ABLIM3: variants seen among roughly 807,000 people sequenced by gnomAD.
The protein encoded by ABLIM3 is actin-binding LIM protein 3.
A neutral mutation model predicts 109.5 loss-of-function variants in ABLIM3; 61 were observed. The ratio of observed to expected loss-of-function variants is 0.56; its 90% CI spans 0.45 to 0.69. ABLIM3 has a LOEUF of 0.69. Ranked by LOEUF, ABLIM3 falls within the 30% of genes least tolerant of loss-of-function variation. The pLI, the probability that ABLIM3 is intolerant of heterozygous loss-of-function variation, is 0.00. For missense variants in ABLIM3, 796 were observed against 889.5 expected, an observed-to-expected ratio of 0.89 and a Z score of 1.34; for synonymous variants, 300 against 324.8, an observed-to-expected ratio of 0.92 and a Z score of 0.82.
chr5:149,214,247 C>T (rs1246562676), intron 7 of ABLIM3, among the ~76,000 whole-genome samples: 1 of 152,194 alleles, frequency 6.6e-6, no homozygotes, highest in African/African-American at 2.4e-5. Flanking sequence ...AGCCCAGGAG[C>T]TGGATCCAGT....
intron 9 of ABLIM3, 84 bp from the exon 10 acceptor site, chr5:149,233,145 T>C (rs1762023427): frequency 1.4e-5 from 16 of 1,148,444 alleles, no homozygotes; most frequent in Non-Finnish European, 2.1e-5. Context: ...ATTGCTAATG[T>C]TGCATTCTTA....
At chr5:149,162,859 C>T (rs1287731469) in intron 2 of ABLIM3, among the ~76,000 whole-genome samples, 1 of 152,236 alleles carries the variant, frequency 6.6e-6, no homozygotes, top group African/African-American at 2.4e-5. Flanking sequence ...TGAAAGCCAC[C>T]TGCCTCAAAA....
At chr5:149,230,189 G>T (rs990501296) in intron 8 of ABLIM3, among the ~76,000 whole-genome samples, 3 of 152,140 alleles carry the variant, frequency 2.0e-5, no homozygotes, top group Non-Finnish European at 4.4e-5. Context: ...AAACATGTAC[G>T]GATCTCTTCT....
At chr5:149,222,175 G>T (rs1760714573) in intron 8 of ABLIM3, among the ~76,000 whole-genome samples, 1 of 150,996 alleles carries the variant, frequency 6.6e-6, no homozygotes, top group Non-Finnish European at 1.5e-5. Context: ...ATTATTATTT[G>T]TTGGTATACT....
At chr5:149,180,741 T>G (rs1433194448) in intron 2 of ABLIM3, among the ~76,000 whole-genome samples, 1 of 152,208 alleles carries the variant, frequency 6.6e-6, no homozygotes, top group Non-Finnish European at 1.5e-5. Context: ...ACACACAGCA[T>G]CAGCAAAGCA....
chr5:149,242,113 A>C (rs997226245), intron 14 of ABLIM3, among the ~76,000 whole-genome samples: 3 of 152,154 alleles, frequency 2.0e-5, no homozygotes, highest in African/African-American at 4.8e-5. Flanking sequence ...ATTCGGCTGC[A>C]GCATCCTGGG....
intron 13 of ABLIM3, 109 bp from the exon 14 acceptor site, chr5:149,240,567 C>G (rs1581217930): frequency 1.2e-6 from 1 of 842,994 alleles, no homozygotes; most frequent in Admixed American, 1.8e-5. Flanking sequence ...CCCAGCCCAT[C>G]CCCCATCTCT....
intron 21 of ABLIM3, 91 bp from the exon 22 acceptor site, chr5:149,252,110 C>T (rs987048004): frequency 2.0e-6 from 3 of 1,474,162 alleles, no homozygotes; most frequent in Non-Finnish European, 2.8e-6. Context: ...GGCCAGACCC[C>T]CTGAGAGAGT....
At chr5:149,193,054 T>C (rs1757643639) in intron 3 of ABLIM3, among the ~76,000 whole-genome samples, 1 of 152,104 alleles carries the variant, frequency 6.6e-6, no homozygotes, top group African/African-American at 2.4e-5. Flanking sequence ...AAATGCAATG[T>C]ATGAACCTTG....
At chr5:149,241,895 A>T (rs1752884952) in intron 14 of ABLIM3, among the ~76,000 whole-genome samples, 1 of 152,168 alleles carries the variant, frequency 6.6e-6, no homozygotes, top group Non-Finnish European at 1.5e-5. Flanking sequence ...TACAGGACTG[A>T]GTGGGTGTAG....
chr5:149,203,727 GTCACC>G (rs1758705837), intron 5 of ABLIM3, among the ~76,000 whole-genome samples: 2 of 151,224 alleles, frequency 1.3e-5, no homozygotes, highest in African/African-American at 4.9e-5. Flanking sequence ...CATCATCACT[GTCACC>G]ATCATCACCA....
At chr5:149,220,135 T>C (rs938601093) in intron 8 of ABLIM3, 1 of 152,168 alleles carries the variant, frequency 6.6e-6, no homozygotes, top group Non-Finnish European at 1.5e-5. Context: ...ATTTAGCAAA[T>C]ATCTATTGAG....
intron 15 of ABLIM3, 163 bp downstream of exon 15, chr5:149,242,701 G>A: frequency 1.4e-6 from 1 of 730,484 alleles, no homozygotes; most frequent in Non-Finnish European, 2.4e-6. Flanking sequence ...TTAGGGCAGA[G>A]TTTGGTATCA....
intron 8 of ABLIM3, chr5:149,218,159 G>A (rs532593853): frequency 6.6e-6 from 1 of 152,390 alleles, no homozygotes; most frequent in East Asian, 1.9e-4. Context: ...ATACAGACAG[G>A]GCAGCTTATA....
chr5:149,233,170 C>A, intron 9 of ABLIM3, 59 bp from the exon 10 acceptor site: 1 of 1,511,618 alleles, frequency 6.6e-7, no homozygotes, highest in Non-Finnish European at 9.2e-7. Context: ...CCTGTCTCAC[C>A]CTCCCCACCA....
At chr5:149,211,584 T>C (rs1354814853) in intron 7 of ABLIM3, among the ~76,000 whole-genome samples, 1 of 152,142 alleles carries the variant, frequency 6.6e-6, no homozygotes, top group African/African-American at 2.4e-5. Flanking sequence ...TAGGCCTCAG[T>C]TTTTCCATAT....
intron 6 of ABLIM3, among the ~76,000 whole-genome samples, chr5:149,207,398 C>G (rs1307707464): frequency 6.6e-6 from 1 of 152,136 alleles, no homozygotes; most frequent in Non-Finnish European, 1.5e-5. Context: ...CCATGCCTTC[C>G]CCTCCGGCCG....
chr5:149,200,560 A>G (rs1758398522), intron 5 of ABLIM3, 132 bp downstream of exon 5: 1 of 808,132 alleles, frequency 1.2e-6, no homozygotes, highest in East Asian at 2.7e-5. Context: ...GGCCTCCTGC[A>G]TCATGACCCC....
At chr5:149,197,056 A>G (rs1294287821) in intron 3 of ABLIM3, among the ~76,000 whole-genome samples, 2 of 152,202 alleles carry the variant, frequency 1.3e-5, no homozygotes, top group Non-Finnish European at 2.9e-5. Context: ...TGAGTGATGG[A>G]GAATTATTAC....
Sources: gnomAD v4.1 joint callset for allele counts (sites outside exome capture counted in the v4.1 genomes callset) on GRCh38, gnomAD v4.1.1 for gene constraint, MANE v1.5 for transcripts, NCBI Gene and HGNC (gene_info 2026-07-23, HGNC 2026-07-21) for gene names.